The following CNTN4 variants were observed in gnomAD, a reference collection of about 807,000 sequenced individuals.
The protein encoded by CNTN4 is contactin-4.
CNTN4 carries 77 observed loss-of-function variants against 122.5 expected under a neutral mutation model. That is an observed-to-expected ratio of 0.63 (90% CI 0.52 to 0.76). The LOEUF (loss-of-function observed/expected upper bound fraction) is 0.76. Ranked by LOEUF, CNTN4 falls within the 30% of genes least tolerant of loss-of-function variation. The pLI, the probability that CNTN4 is intolerant of heterozygous loss-of-function variation, is 0.00. For missense variants in CNTN4, 1,256 were observed against 1,259.1 expected, an observed-to-expected ratio of 1.00 and a Z score of 0.04; for synonymous variants, 512 against 447.0, an observed-to-expected ratio of 1.15 and a Z score of -1.83.
chr3:2,586,431 G>A (rs977365330), intron 4 of CNTN4, among the ~76,000 whole-genome samples: 4 of 152,068 alleles, frequency 2.6e-5, no homozygotes, highest in Non-Finnish European at 5.9e-5. Context: ...GAGCTGGGAT[G>A]ACAGGCACCC....
chr3:2,856,537 C>G (rs1015144635), intron 7 of CNTN4, among the ~76,000 whole-genome samples: 7 of 152,156 alleles, frequency 4.6e-5, no homozygotes, highest in Non-Finnish European at 7.3e-5. Flanking sequence ...GCAGTATAAA[C>G]CTTTCTTAAA....
At chr3:2,265,072 C>G (rs1489807949) in intron 2 of CNTN4, among the ~76,000 whole-genome samples, 1 of 151,948 alleles carries the variant, frequency 6.6e-6, no homozygotes, top group Non-Finnish European at 1.5e-5. Flanking sequence ...CTTTGCGCCC[C>G]CATAGCTTAG....
At position 2,213,185 on chromosome 3, in the gene CNTN4, A is replaced by G. The variant is rs186258127; in HGVS notation, c.-145+112546A>G. On this transcript the variant is annotated intron_variant, in intron 2 of 24. Transcript: ENST00000418658. ...GGAGTTGAGAGTTTTAGTCAAGCAC[A>G]TTTAATTTATGGATGAGGAAGTTGA... is the stretch of plus-strand genomic sequence containing the variant. Among the ~76,000 whole-genome samples the G allele has an allele frequency of 3.3e-5, 5 of 152,282 alleles. No individual in the cohort carries two copies. The East Asian group carries it at 5.8e-4, about 18-fold the overall frequency.
At chr3:2,818,147 A>G (rs2092781425) in intron 6 of CNTN4, among the ~76,000 whole-genome samples, 1 of 152,206 alleles carries the variant, frequency 6.6e-6, no homozygotes. Flanking sequence ...TGTTCTCACA[A>G]TGCTTGCCTT....
At chr3:2,827,206 T>C (rs1302556022) in intron 7 of CNTN4, among the ~76,000 whole-genome samples, 1 of 152,108 alleles carries the variant, frequency 6.6e-6, no homozygotes, top group Non-Finnish European at 1.5e-5. Flanking sequence ...TCCCTCTACT[T>C]TCTCTCATTA....
At chr3:2,375,989 T>G (rs1278317830) in intron 3 of CNTN4, among the ~76,000 whole-genome samples, 1 of 152,190 alleles carries the variant, frequency 6.6e-6, no homozygotes, top group Non-Finnish European at 1.5e-5. Context: ...TTTTCTTTCT[T>G]CTCTGACTTT....
chr3:2,637,444 G>C (rs2150087766), intron 4 of CNTN4, among the ~76,000 whole-genome samples: 1 of 152,022 alleles, frequency 6.6e-6, no homozygotes, highest in South Asian at 2.1e-4. Context: ...TTAGGCATTC[G>C]ATGAAGAGTC....
chr3:3,045,909 T>G (rs1157023456), intron 23 of CNTN4, among the ~76,000 whole-genome samples: 1 of 152,100 alleles, frequency 6.6e-6, no homozygotes, highest in Non-Finnish European at 1.5e-5. Flanking sequence ...CTAACTAGAC[T>G]AACCAATGTA....
chr3:2,805,665 A>G (rs2092449051), intron 6 of CNTN4, among the ~76,000 whole-genome samples: 1 of 152,092 alleles, frequency 6.6e-6, no homozygotes, highest in African/African-American at 2.4e-5. Flanking sequence ...CATTGAAAAC[A>G]ATGGGGGCAG....
At chr3:2,345,743 C>T (rs1005966806) in intron 3 of CNTN4, among the ~76,000 whole-genome samples, 1 of 152,204 alleles carries the variant, frequency 6.6e-6, no homozygotes, top group Admixed American at 6.5e-5. Flanking sequence ...ATATTATGAT[C>T]GAGAAGCAGA....
chr3:2,576,189 G>C (rs576389308), intron 4 of CNTN4, among the ~76,000 whole-genome samples: 46 of 152,218 alleles, frequency 3.0e-4, no homozygotes, highest in African/African-American at 1.0e-3. Context: ...AGGTTTATTT[G>C]GGTAGATATT....
rs568993555 is a variant in CNTN4 at position 2,621,398 on chromosome 3, C to G, written c.55+49840C>G. 3.2e-4 allele frequency among the ~76,000 whole-genome samples: 49 copies of G among 152,172 alleles called. 1 individual carries two copies. In the South Asian group the frequency reaches 9.7e-3, roughly 30 times the overall value. On this transcript the variant is annotated intron_variant, in intron 4 of 24. Coordinates refer to ENST00000418658, the MANE Select transcript of CNTN4 (RefSeq NM_175607.3). The stretch of plus-strand genomic sequence containing the variant: ...TTAACTTTTGTATCTTATAAAAACA[C>G]CAAACACCACATGTTCTCACTCATA...
At chr3:2,968,286 G>A (rs1392331346) in intron 13 of CNTN4, among the ~76,000 whole-genome samples, 1 of 152,112 alleles carries the variant, frequency 6.6e-6, no homozygotes, top group Non-Finnish European at 1.5e-5. Flanking sequence ...GTCATTTTCT[G>A]CTTTGGATGT....
intron 4 of CNTN4, among the ~76,000 whole-genome samples, chr3:2,633,174 T>G (rs923235274): frequency 1.3e-5 from 2 of 152,134 alleles, no homozygotes; most frequent in Non-Finnish European, 2.9e-5. Context: ...AGGAGTCCAG[T>G]CATGCAAACC....
intron 4 of CNTN4, among the ~76,000 whole-genome samples, chr3:2,659,460 CAAAAAAA>C (rs59025670): frequency 3.3e-4 from 18 of 53,980 alleles, no homozygotes; most frequent in African/African-American, 1.1e-3. Flanking sequence ...GACTCCATCT[CAAAAAAA>C]AAAAAAAAAA....
intron 4 of CNTN4, among the ~76,000 whole-genome samples, chr3:2,706,154 T>A (rs1471687168): frequency 6.6e-6 from 1 of 150,940 alleles, no homozygotes; most frequent in Non-Finnish European, 1.5e-5. Context: ...CTACAGAAAA[T>A]CATTTTTAAA....
At chr3:2,679,271 A>G (rs2085038509) in intron 4 of CNTN4, among the ~76,000 whole-genome samples, 1 of 152,168 alleles carries the variant, frequency 6.6e-6, no homozygotes, top group African/African-American at 2.4e-5. Context: ...CTGCACACAC[A>G]TTGATGCTTA....
chr3:2,530,277 A>G (rs1014095691), intron 3 of CNTN4, among the ~76,000 whole-genome samples: 1 of 150,186 alleles, frequency 6.7e-6, no homozygotes, highest in Non-Finnish European at 1.5e-5. Context: ...TATTTCACTA[A>G]TATACTCTAT....
At chr3:2,697,793 G>A (rs2086128138) in intron 4 of CNTN4, among the ~76,000 whole-genome samples, 1 of 152,146 alleles carries the variant, frequency 6.6e-6, no homozygotes, top group Non-Finnish European at 1.5e-5. Flanking sequence ...CACAGGGCAG[G>A]CTGGCAGTCT....
Sources: allele counts gnomAD v4.1 joint callset (sites outside exome capture counted in the v4.1 genomes callset), GRCh38; gene constraint gnomAD v4.1.1; transcripts MANE v1.5; gene names NCBI Gene and HGNC (gene_info 2026-07-23, HGNC 2026-07-21).